Variants in FHIP2A observed in about 807,000 individuals in gnomAD.
FHIP2A encodes family with sequence similarity 160 member B1.
Under a neutral mutation model 93.5 loss-of-function variants are expected in FHIP2A, and 46 were observed. The observed-to-expected ratio is 0.49, with a 90% confidence interval of 0.39 to 0.63. The LOEUF (loss-of-function observed/expected upper bound fraction) is 0.63, where lower values mean the gene tolerates loss of function less well. Ranked by LOEUF, FHIP2A falls within the 20% of genes least tolerant of loss-of-function variation. The pLI is 0.00. For synonymous variants in FHIP2A, 332 were observed against 326.5 expected, an observed-to-expected ratio of 1.02 and a Z score of -0.18; for missense variants, 769 against 909.7, an observed-to-expected ratio of 0.85 and a Z score of 1.99.
intron 1 of FHIP2A, among the ~76,000 whole-genome samples, chr10:114,829,104 G>C (rs1256284942): frequency 6.6e-6 from 1 of 152,190 alleles, no homozygotes; most frequent in Non-Finnish European, 1.5e-5. Context: ...CTGTTTAGAG[G>C]AAGTCTATGA....
chr10:114,896,882 T>C (rs1371226951), intron 16 of FHIP2A, among the ~76,000 whole-genome samples: 1 of 152,184 alleles, frequency 6.6e-6, no homozygotes, highest in Non-Finnish European at 1.5e-5. Flanking sequence ...TTGCAGATTT[T>C]CTCCTTACTT....
chr10:114,842,596 G>A (rs2083675381), intron 5 of FHIP2A, among the ~76,000 whole-genome samples: 2 of 151,328 alleles, frequency 1.3e-5, no homozygotes, highest in Non-Finnish European at 2.9e-5. Flanking sequence ...GTCCAGTGAT[G>A]AGAAAAAAGT....
rs200183076 is a variant in FHIP2A at position 114,832,569 on chromosome 10, AT to A, written c.125-663del. Among the ~76,000 whole-genome samples, 1,038 of 152,294 alleles carry A rather than the reference AT, an allele frequency of 6.8e-3. 7 individuals are homozygous for A. Among genetic ancestry groups the A allele is most frequent in the African/African-American group, 0.024 (994 of 41,546 alleles). On this transcript the variant is annotated intron_variant, in intron 2 of 16. Coordinates refer to ENST00000369248, the MANE Select transcript of FHIP2A (RefSeq NM_020940.4). ...TCTGAACTGGCTAAGTGAAAAAAAA[AT>A]ATTTTAATTATAAATACACATAGAA...
chr10:114,835,483 T>C, intron 3 of FHIP2A, 54 bp from the exon 4 acceptor site: 1 of 1,045,660 alleles, frequency 9.6e-7, no homozygotes, highest in Admixed American at 1.9e-5. Context: ...TTTCAGTAAA[T>C]GTGTTTGCAT....
chr10:114,891,775 CCGG>C (rs955946003), intron 16 of FHIP2A, among the ~76,000 whole-genome samples: 1 of 151,872 alleles, frequency 6.6e-6, no homozygotes, highest in African/African-American at 2.4e-5. Context: ...CACCACCATG[CCGG>C]GCCAATTTTA....
intron 14 of FHIP2A, among the ~76,000 whole-genome samples, chr10:114,856,294 T>C (rs1248893485): frequency 6.6e-6 from 1 of 152,186 alleles, no homozygotes; most frequent in Non-Finnish European, 1.5e-5. Flanking sequence ...CAGGTCCTTT[T>C]TTTTTTCTTT....
rs558116000 is a variant in FHIP2A, at chr10:114,894,747, T to C, written c.2193-4743T>C. 3.3e-5 allele frequency among the ~76,000 whole-genome samples: 5 copies of C among 152,330 alleles called. No individual in the cohort carries two copies. In the East Asian group the frequency reaches 9.6e-4, roughly 29 times the overall value. ...GCAAGTAAAGGCAAGAAATGCAGTC[T>C]AGGTGTTTGTTAGGCAGGACTATGA... On this transcript the variant is annotated intron_variant, in intron 16 of 16. Transcript: ENST00000369250.
intron 1 of FHIP2A, among the ~76,000 whole-genome samples, chr10:114,823,055 A>C (rs773117931): frequency 6.6e-6 from 1 of 152,054 alleles, no homozygotes; most frequent in East Asian, 1.9e-4. Context: ...CTGTGCAGAA[A>C]CAATTACTTT....
intron 4 of FHIP2A, 81 bp downstream of exon 4, chr10:114,835,722 T>A: frequency 1.1e-6 from 1 of 906,606 alleles, no homozygotes; most frequent in Non-Finnish European, 1.6e-6. Context: ...TTTCTGAGAG[T>A]AAAAATAATG....
chr10:114,889,751 C>A (rs1231059601), intron 16 of FHIP2A, among the ~76,000 whole-genome samples: 2 of 152,230 alleles, frequency 1.3e-5, no homozygotes, highest in East Asian at 3.9e-4. Context: ...CATTCCAGTG[C>A]CCTGGCTGAA....
At chr10:114,896,896 A>G (rs2084003920) in intron 16 of FHIP2A, among the ~76,000 whole-genome samples, 1 of 152,174 alleles carries the variant, frequency 6.6e-6, no homozygotes, top group Non-Finnish European at 1.5e-5. Flanking sequence ...CTTACTTGTT[A>G]TATGTGTATG....
intron 14 of FHIP2A, among the ~76,000 whole-genome samples, chr10:114,858,170 C>A (rs1431485984): frequency 6.6e-6 from 1 of 152,066 alleles, no homozygotes; most frequent in East Asian, 1.9e-4. Context: ...AATAAAGGGA[C>A]CTCAAGTAAT....
chr10:114,830,230 AAT>A (rs1033166027), intron 1 of FHIP2A, among the ~76,000 whole-genome samples: 1 of 150,986 alleles, frequency 6.6e-6, no homozygotes, highest in Non-Finnish European at 1.5e-5. Flanking sequence ...TCAGTAATAG[AAT>A]ATTGTTTCGT....
chr10:114,879,724 G>A (rs749720717), intron 16 of FHIP2A, among the ~76,000 whole-genome samples: 8 of 152,044 alleles, frequency 5.3e-5, no homozygotes, highest in African/African-American at 1.7e-4. Context: ...ACAGGGTCTC[G>A]CTCTGTCACC....
intron 13 of FHIP2A, among the ~76,000 whole-genome samples, 162 bp from the exon 14 acceptor site, chr10:114,855,035 A>G (rs2083758584): frequency 1.3e-5 from 2 of 152,216 alleles, no homozygotes; most frequent in Non-Finnish European, 2.9e-5. Context: ...CCCTAGTCAC[A>G]GAAAGATCTG....
chr10:114,846,487 C>A, intron 10 of FHIP2A, 72 bp from the exon 11 acceptor site: 1 of 1,461,278 alleles, frequency 6.8e-7, no homozygotes, highest in Non-Finnish European at 9.3e-7. Flanking sequence ...GAAAGCATGA[C>A]TCACAAGATG....
chr10:114,865,382 C>T (rs985486047), downstream of FHIP2A, among the ~76,000 whole-genome samples: 5 of 152,148 alleles, frequency 3.3e-5, no homozygotes, highest in African/African-American at 4.8e-5. Flanking sequence ...CAATTAGACT[C>T]TAGACTTACC....
chr10:114,881,386 C>T (rs1261708420), intron 16 of FHIP2A, among the ~76,000 whole-genome samples: 12 of 152,082 alleles, frequency 7.9e-5, no homozygotes, highest in African/African-American at 7.2e-5. Flanking sequence ...GGGGCTGAGA[C>T]GCTGATTGGA....
intron 16 of FHIP2A, among the ~76,000 whole-genome samples, chr10:114,898,333 T>C (rs1044582933): frequency 2.0e-5 from 3 of 152,130 alleles, no homozygotes; most frequent in Admixed American, 6.5e-5. Flanking sequence ...CTATGGCACA[T>C]AGGATGCATG....
Sources: allele counts gnomAD v4.1 joint callset (sites outside exome capture counted in the v4.1 genomes callset), GRCh38; gene constraint gnomAD v4.1.1; transcripts MANE v1.5; gene names NCBI Gene and HGNC (gene_info 2026-07-23, HGNC 2026-07-21).